Variants in EPHA6 observed in about 807,000 individuals in gnomAD.
EPHA6 encodes ephrin type-A receptor 6.
A neutral mutation model predicts 112.0 loss-of-function variants in EPHA6; 50 were observed. The observed-to-expected ratio is 0.45, with a 90% CI of 0.36 to 0.56. The LOEUF (loss-of-function observed/expected upper bound fraction) is 0.56, where lower values mean the gene tolerates loss of function less well. EPHA6 is among the 20% of genes least tolerant of loss of function. The pLI, the probability that EPHA6 is intolerant of heterozygous loss-of-function variation, is 0.00. For missense variants in EPHA6, 1,280 were observed against 1,417.4 expected, an observed-to-expected ratio of 0.90 and a Z score of 1.56; for synonymous variants, 529 against 490.7, an observed-to-expected ratio of 1.08 and a Z score of -1.03.
At chr3:97,158,179 A>G (rs1025132076) in intron 3 of EPHA6, among the ~76,000 whole-genome samples, 1 of 152,190 alleles carries the variant, frequency 6.6e-6, no homozygotes, top group African/African-American at 2.4e-5. Context: ...AATATAAGGT[A>G]AAGTTAACAC....
At chr3:97,167,305 C>A (rs1239912953) in intron 3 of EPHA6, among the ~76,000 whole-genome samples, 2 of 152,054 alleles carry the variant, frequency 1.3e-5, no homozygotes, top group Non-Finnish European at 2.9e-5. Flanking sequence ...AAGTAAATCA[C>A]AAAGGGAAAC....
chr3:97,450,466 A>G (rs544967559), intron 7 of EPHA6, among the ~76,000 whole-genome samples: 1 of 152,198 alleles, frequency 6.6e-6, no homozygotes, highest in South Asian at 2.1e-4. Context: ...TAAGTGAGAA[A>G]TGCACTCTCA....
At chr3:97,203,109 A>C (rs2077621952) in intron 3 of EPHA6, among the ~76,000 whole-genome samples, 1 of 152,112 alleles carries the variant, frequency 6.6e-6, no homozygotes, top group Non-Finnish European at 1.5e-5. Context: ...AATGCCATCA[A>C]TTAGAGGCTT....
Position 97,459,949 on chromosome 3 carries a change from C to A in EPHA6, c.1894+11219C>A, listed in dbSNP as rs145413885. Reference sequence around the variant, plus strand: ...GTAAATTATGACCTGCTCACCAGAACCTTCTGAGAAAACTGGAGCTAAGCC... The same window carrying A: ...GTAAATTATGACCTGCTCACCAGAAACTTCTGAGAAAACTGGAGCTAAGCC... On this transcript the variant is annotated intron_variant, in intron 7 of 17. Transcript: ENST00000389672. Among the ~76,000 whole-genome samples, 14 of 152,302 alleles carry A rather than the reference C, an allele frequency of 9.2e-5. 1 individual carries two copies. Among genetic ancestry groups the A allele is most frequent in the Non-Finnish European group, 2.1e-4 (14 of 68,042 alleles).
chr3:97,439,913 T>C (rs1265694347), intron 6 of EPHA6, among the ~76,000 whole-genome samples: 5 of 152,308 alleles, frequency 3.3e-5, no homozygotes, highest in Non-Finnish European at 5.9e-5. Context: ...CCCAGTGATA[T>C]GTGACCAGAG....
intron 3 of EPHA6, among the ~76,000 whole-genome samples, chr3:97,207,081 CTAAA>C (rs2077733655): frequency 6.6e-6 from 1 of 151,912 alleles, no homozygotes; most frequent in East Asian, 1.9e-4. Context: ...GCAAATAACT[CTAAA>C]TAGTCAGTTC....
intron 5 of EPHA6, among the ~76,000 whole-genome samples, chr3:97,387,317 T>G (rs1388058825): frequency 1.9e-5 from 2 of 104,114 alleles, no homozygotes; most frequent in East Asian, 4.3e-4. Context: ...TACAATTCAG[T>G]TTTTTTTTTT....
chr3:96,896,812 A>C (rs985741235), intron 2 of EPHA6, among the ~76,000 whole-genome samples: 1 of 152,204 alleles, frequency 6.6e-6, no homozygotes. Flanking sequence ...GGCCTTTTAC[A>C]TGCCTGTTAG....
At chr3:97,531,123 A>T (rs188671206) in intron 10 of EPHA6, among the ~76,000 whole-genome samples, 1 of 152,158 alleles carries the variant, frequency 6.6e-6, no homozygotes, top group East Asian at 1.9e-4. Context: ...GCATTTTGAC[A>T]TAAATTGTCA....
chr3:97,536,858 C>A (rs1195034494), intron 11 of EPHA6, among the ~76,000 whole-genome samples: 2 of 152,034 alleles, frequency 1.3e-5, no homozygotes, highest in African/African-American at 4.8e-5. Context: ...TTCACCACCA[C>A]ACACAAAAAA....
At position 97,752,286 on chromosome 3, in the gene EPHA6, G is replaced by A. The variant is rs537433302; in HGVS notation, c.*3585G>A. 7.6e-5 allele frequency: 17 copies of A among 222,882 alleles called. No individual in the cohort carries two copies. The South Asian group carries it at 1.7e-3, about 22-fold the overall frequency. The allele number at this position is 222,882 out of a possible 1,614,324, so 13.8% of individuals were successfully genotyped here. On this transcript the variant is annotated 3_prime_UTR_variant, in exon 18 of 18. Transcript: ENST00000389672. ...TCTAAAGAAGCTCTTCAGAAGAGAC[G>A]GTAAAGAATGAATTCTTTTACTTAT...
intron 2 of EPHA6, among the ~76,000 whole-genome samples, chr3:96,910,431 A>G (rs1025586477): frequency 3.9e-5 from 6 of 152,066 alleles, no homozygotes; most frequent in Admixed American, 1.3e-4. Flanking sequence ...ATTAGATTAT[A>G]TCACTGTTTT....
At chr3:96,904,099 G>C (rs9851749) in intron 2 of EPHA6, among the ~76,000 whole-genome samples, 1 of 151,956 alleles carries the variant, frequency 6.6e-6, no homozygotes, top group Admixed American at 6.6e-5. Context: ...CAGCCATCCC[G>C]TTACTGGGTA....
intron 11 of EPHA6, among the ~76,000 whole-genome samples, chr3:97,559,123 A>G (rs529967465): frequency 2.0e-5 from 3 of 152,190 alleles, no homozygotes; most frequent in Middle Eastern, 3.4e-3. Context: ...TATAATGATG[A>G]CAAAAGGAAC....
intron 12 of EPHA6, among the ~76,000 whole-genome samples, chr3:97,599,009 A>T (rs1211171244): frequency 6.6e-6 from 1 of 152,134 alleles, no homozygotes; most frequent in Non-Finnish European, 1.5e-5. Context: ...CATTTCTCTG[A>T]TGACCAGTGA....
chr3:96,951,176 T>C (rs997762655), intron 2 of EPHA6, among the ~76,000 whole-genome samples: 6 of 152,140 alleles, frequency 3.9e-5, no homozygotes, highest in African/African-American at 1.4e-4. Flanking sequence ...AGTAATATTC[T>C]GCCAACCAGA....
At chr3:97,025,955 A>G (rs908374628) in intron 3 of EPHA6, among the ~76,000 whole-genome samples, 7 of 152,034 alleles carry the variant, frequency 4.6e-5, no homozygotes, top group Admixed American at 2.0e-4. Flanking sequence ...TCCAGTTTCA[A>G]TCTTCCGCCT....
At chr3:96,878,193 G>A (rs894674907) in intron 2 of EPHA6, among the ~76,000 whole-genome samples, 13 of 151,852 alleles carry the variant, frequency 8.6e-5, no homozygotes, top group Admixed American at 3.9e-4. Context: ...TAGTTAATTT[G>A]TATTCTTTCT....
At chr3:96,970,586 A>T (rs2042280178) in intron 2 of EPHA6, among the ~76,000 whole-genome samples, 1 of 152,052 alleles carries the variant, frequency 6.6e-6, no homozygotes, top group Admixed American at 6.6e-5. Flanking sequence ...GTTATAATTT[A>T]AGCTTTCTTA....
Sources: gnomAD v4.1 joint callset for allele counts (sites outside exome capture counted in the v4.1 genomes callset) on GRCh38, gnomAD v4.1.1 for gene constraint, MANE v1.5 for transcripts, NCBI Gene and HGNC (gene_info 2026-07-23, HGNC 2026-07-21) for gene names.